ARHGAP6: variants seen among roughly 807,000 people sequenced by gnomAD.
The protein encoded by ARHGAP6 is Rho GTPase activating protein 6, also known as rho GTPase-activating protein 6.
Under a neutral mutation model 55.7 loss-of-function variants are expected in ARHGAP6, and 16 were observed. The observed-to-expected ratio is 0.29, with a 90% CI of 0.19 to 0.44. The LOEUF (loss-of-function observed/expected upper bound fraction) is 0.44, where lower values mean the gene tolerates loss of function less well. Ranked by LOEUF, ARHGAP6 falls within the 20% of genes least tolerant of loss-of-function variation. The pLI is 1.00. For synonymous variants in ARHGAP6, 382 were observed against 360.9 expected (o/e 1.06, Z -0.66); for missense variants, 698 against 808.9 (o/e 0.86, Z 1.66).
intron 12 of ARHGAP6, among the ~76,000 whole-genome samples, chrX:11,140,202 T>A (rs5979374): frequency 1.1e-4 from 11 of 98,936 alleles, no homozygotes; most frequent in African/African-American, 3.3e-4. Context: ...AAAAAAAAAA[T>A]AAAAAAAAAA....
intron 1 of ARHGAP6, among the ~76,000 whole-genome samples, chrX:11,600,681 A>C (rs906070163): frequency 1.6e-4 from 18 of 112,419 alleles, no homozygotes; most frequent in Non-Finnish European, 3.2e-4. Context: ...CAGTTGGGAT[A>C]ACTCTGAGAG....
intron 2 of ARHGAP6, among the ~76,000 whole-genome samples, chrX:11,251,337 G>A (rs908060932): frequency 4.5e-5 from 5 of 112,018 alleles, no homozygotes; most frequent in African/African-American, 1.3e-4. Context: ...TCATTATAGT[G>A]TAAAAGAAGG....
Position 11,176,232 on chromosome X carries a change from CATATATAT to C in ARHGAP6, c.1629+1860_1629+1867del, listed in dbSNP as rs746195419. 1.9e-3 allele frequency among the ~76,000 whole-genome samples: 46 copies of C among 23,915 alleles called. 2 individuals carry two copies. Among genetic ancestry groups the C allele is most frequent in the African/African-American group, 5.8e-3 (40 of 6,864 alleles). 20.8% of individuals were successfully genotyped at this position (23,915 alleles called of 115,157 possible). On this transcript the variant is annotated intron_variant, in intron 8 of 12. Coordinates refer to ENST00000337414, the MANE Select transcript of ARHGAP6 (RefSeq NM_013427.3). The stretch of plus-strand genomic sequence containing the variant: ...CTCTTTTGCCTGTTAAGAGGATTTG[CATATATAT>C]ATATATATATATATATATATATATT...
At chrX:11,235,667 A>G (rs1206512361) in intron 2 of ARHGAP6, among the ~76,000 whole-genome samples, 2 of 110,854 alleles carry the variant, frequency 1.8e-5, no homozygotes, top group Non-Finnish European at 3.8e-5. Context: ...GATACCCTAA[A>G]TCATCTTTCT....
intron 11 of ARHGAP6, chrX:11,143,147 T>C (rs1368402114): frequency 8.9e-6 from 1 of 112,057 alleles, no homozygotes; most frequent in Non-Finnish European, 1.9e-5. Flanking sequence ...GATGGGATTA[T>C]AATTACGATT....
intron 1 of ARHGAP6, among the ~76,000 whole-genome samples, chrX:11,427,030 C>G (rs192589963): frequency 9.0e-6 from 1 of 110,555 alleles, no homozygotes; most frequent in East Asian, 2.8e-4. Context: ...GTGCAACATT[C>G]TGTCCCGCCA....
intron 1 of ARHGAP6, among the ~76,000 whole-genome samples, chrX:11,604,489 G>A (rs1027219411): frequency 1.8e-5 from 2 of 111,517 alleles, no homozygotes; most frequent in Non-Finnish European, 3.8e-5. Flanking sequence ...GAGTTCTACA[G>A]ACATCTAGAA....
intron 1 of ARHGAP6, among the ~76,000 whole-genome samples, chrX:11,417,297 A>G (rs2049765040): frequency 9.4e-6 from 1 of 106,368 alleles, no homozygotes; most frequent in Non-Finnish European, 1.9e-5. Flanking sequence ...TCTTATGGAG[A>G]CAGTTCAGTG....
rs574986188 is a variant in ARHGAP6, at chrX:11,652,876, C to G, written c.588+11365G>C. Among the ~76,000 whole-genome samples, 95 of 112,195 alleles carry G rather than the reference C, an allele frequency of 8.5e-4. 1 individual carries two copies. In the South Asian group the frequency reaches 0.033, roughly 39 times the overall value. On this transcript the variant is annotated intron_variant, in intron 1 of 12. Transcript: ENST00000337414. ...GACAGAAGACCTTCAAGGACTTTTT[C>G]TTCCTAATATTCTATTTGCTCGTAG...
chrX:11,409,632 G>T (rs980240244), intron 1 of ARHGAP6, among the ~76,000 whole-genome samples: 4 of 112,555 alleles, frequency 3.6e-5, no homozygotes, highest in Admixed American at 9.4e-5. Context: ...GACTGCAGTG[G>T]ACTATTTTTA....
chrX:11,637,290 A>C (rs902764659), intron 1 of ARHGAP6, among the ~76,000 whole-genome samples: 3 of 111,287 alleles, frequency 2.7e-5, no homozygotes, highest in Non-Finnish European at 5.7e-5. Flanking sequence ...GACCTCAAAC[A>C]TAAGAGAGTT....
chrX:11,224,627 A>G (rs1159994806), intron 2 of ARHGAP6, among the ~76,000 whole-genome samples: 4 of 109,536 alleles, frequency 3.7e-5, no homozygotes, highest in Non-Finnish European at 5.7e-5. Flanking sequence ...GCACATTGAT[A>G]GAGGGAGAGT....
intron 1 of ARHGAP6, among the ~76,000 whole-genome samples, chrX:11,510,075 T>C (rs935331878): frequency 2.7e-5 from 3 of 112,038 alleles, no homozygotes; most frequent in African/African-American, 9.7e-5. Flanking sequence ...GATTAAGCTG[T>C]GGAATGTCCA....
At chrX:11,553,243 ATTTT>A (rs35101240) in intron 1 of ARHGAP6, among the ~76,000 whole-genome samples, 1 of 98,369 alleles carries the variant, frequency 1.0e-5, no homozygotes. Context: ...TGCTTAGAAC[ATTTT>A]TTTTTTTTTT....
At chrX:11,550,882 G>T (rs1198737892) in intron 1 of ARHGAP6, among the ~76,000 whole-genome samples, 1 of 111,889 alleles carries the variant, frequency 8.9e-6, no homozygotes, top group African/African-American at 3.2e-5. Context: ...GTGTGCTGGT[G>T]AGTGGACTCA....
At chrX:11,305,411 C>T (rs2048227756) in intron 1 of ARHGAP6, among the ~76,000 whole-genome samples, 1 of 111,617 alleles carries the variant, frequency 9.0e-6, no homozygotes, top group Non-Finnish European at 1.9e-5. Flanking sequence ...AAAAACCGTC[C>T]GACAGAAGTT....
intron 1 of ARHGAP6, among the ~76,000 whole-genome samples, chrX:11,259,704 CA>C (rs1475440400): frequency 3.6e-5 from 4 of 111,436 alleles, no homozygotes. Context: ...TTTCACTCAA[CA>C]AAAAAATTAA....
chrX:11,552,390 A>G (rs1231667863), intron 1 of ARHGAP6, among the ~76,000 whole-genome samples: 1 of 105,469 alleles, frequency 9.5e-6, no homozygotes, highest in Non-Finnish European at 1.9e-5. Flanking sequence ...AAATAGAACT[A>G]CCATATAATC....
At chrX:11,429,735 C>G (rs2049923506) in intron 1 of ARHGAP6, among the ~76,000 whole-genome samples, 1 of 111,430 alleles carries the variant, frequency 9.0e-6, no homozygotes, top group East Asian at 2.8e-4. Context: ...CCAGGCAGAG[C>G]TCGAAAAATG....
Sources: allele counts gnomAD v4.1 joint callset (sites outside exome capture counted in the v4.1 genomes callset), GRCh38; gene constraint gnomAD v4.1.1; transcripts MANE v1.5; gene names NCBI Gene and HGNC (gene_info 2026-07-23, HGNC 2026-07-21).